PEBP4: variants seen among roughly 807,000 people sequenced by gnomAD.
PEBP4 encodes phosphatidylethanolamine binding protein 4.
Under a neutral mutation model 23.9 loss-of-function variants are expected in PEBP4, and 22 were observed. The ratio of observed to expected loss-of-function variants is 0.92; its 90% CI spans 0.66 to 1.31. PEBP4 has a LOEUF of 1.31. Ranked by LOEUF, PEBP4 falls within the 40% of genes most tolerant of loss-of-function variation. The probability of loss-of-function intolerance (pLI) is 0.00; values close to 1 mark genes in which losing one functional copy is unlikely to be tolerated. For synonymous variants in PEBP4, 112 were observed against 99.3 expected (o/e 1.13, Z -0.76); for missense variants, 324 against 281.7 (o/e 1.15, Z -1.07).
intron 4 of PEBP4, among the ~76,000 whole-genome samples, chr8:22,808,825 T>G (rs1806555429): frequency 6.6e-6 from 1 of 152,252 alleles, no homozygotes; most frequent in South Asian, 2.1e-4. Context: ...ATCCCTAACA[T>G]GTACTCACCA....
chr8:22,725,308 A>C (rs910761057), intron 5 of PEBP4, among the ~76,000 whole-genome samples: 1 of 152,150 alleles, frequency 6.6e-6, no homozygotes, highest in African/African-American at 2.4e-5. Flanking sequence ...GCCTCAAGAG[A>C]AGCCCATCTT....
chr8:22,929,956 T>C (rs1311694558), upstream of PEBP4, among the ~76,000 whole-genome samples: 1 of 152,190 alleles, frequency 6.6e-6, no homozygotes, highest in Non-Finnish European at 1.5e-5. Context: ...TCCACCTGTG[T>C]GCTCCCAAAG....
intron 4 of PEBP4, among the ~76,000 whole-genome samples, chr8:22,758,818 T>A (rs1805443529): frequency 6.6e-6 from 1 of 152,136 alleles, no homozygotes; most frequent in South Asian, 2.1e-4. Context: ...GGACAGCGCT[T>A]TCCTAGGGCT....
At chr8:22,935,490 C>T (rs554424921) in intron 1 of PEBP4, among the ~76,000 whole-genome samples, 2 of 152,178 alleles carry the variant, frequency 1.3e-5, no homozygotes, top group Non-Finnish European at 1.5e-5. Flanking sequence ...CGCTCCACTG[C>T]AGTCCAGCCT....
intron 3 of PEBP4, among the ~76,000 whole-genome samples, chr8:22,913,491 T>C (rs2457422): frequency 0.39 from 59,406 of 151,992 alleles, 11,802 homozygotes; most frequent in East Asian, 0.48. Flanking sequence ...AGTAGGGGCT[T>C]GGCTGGCTGA....
chr8:22,720,373 G>A (rs1804494601), intron 6 of PEBP4, among the ~76,000 whole-genome samples: 2 of 152,218 alleles, frequency 1.3e-5, no homozygotes, highest in African/African-American at 2.4e-5. Context: ...TGGAAAGTGG[G>A]CAAGGCATTG....
chr8:22,726,824 G>T (rs1208196698), intron 5 of PEBP4, among the ~76,000 whole-genome samples: 5 of 152,110 alleles, frequency 3.3e-5, no homozygotes, highest in African/African-American at 4.8e-5. Flanking sequence ...GGTAGGTTGG[G>T]GGCATCCTCC....
At chr8:22,859,286 G>A (rs1807717550) in intron 3 of PEBP4, among the ~76,000 whole-genome samples, 1 of 152,224 alleles carries the variant, frequency 6.6e-6, no homozygotes, top group African/African-American at 2.4e-5. Flanking sequence ...TTCTGAGGCA[G>A]AGCCAGTAAT....
chr8:22,808,699 A>G (rs961326886), intron 4 of PEBP4, among the ~76,000 whole-genome samples: 13 of 152,182 alleles, frequency 8.5e-5, no homozygotes, highest in Admixed American at 3.3e-4. Flanking sequence ...TCCCACAGCA[A>G]TTTGAGTCTA....
At chr8:22,878,305 G>A (rs1162589928) in intron 3 of PEBP4, 1 of 152,302 alleles carries the variant, frequency 6.6e-6, no homozygotes, top group Non-Finnish European at 1.5e-5. Flanking sequence ...GGCCTGGTAA[G>A]ATGGTATTTG....
At chr8:22,839,143 A>G (rs747139724) in intron 3 of PEBP4, among the ~76,000 whole-genome samples, 1 of 152,216 alleles carries the variant, frequency 6.6e-6, no homozygotes, top group Non-Finnish European at 1.5e-5. Context: ...TCCGGCCTGC[A>G]AAGGTGGCGT....
intron 3 of PEBP4, among the ~76,000 whole-genome samples, chr8:22,863,937 T>C (rs1807831008): frequency 6.6e-6 from 1 of 152,144 alleles, no homozygotes; most frequent in South Asian, 2.1e-4. Context: ...TGATGTCTGG[T>C]CCGGACTTTT....
intron 6 of PEBP4, among the ~76,000 whole-genome samples, chr8:22,716,663 C>A (rs1585233350): frequency 6.6e-6 from 1 of 152,236 alleles, no homozygotes; most frequent in Non-Finnish European, 1.5e-5. Context: ...ACGTGCTGGA[C>A]AAACTCTGGA....
At chr8:22,747,562 A>T (rs1013112970) in intron 4 of PEBP4, 3 of 133,016 alleles carry the variant, frequency 2.3e-5, no homozygotes, top group African/African-American at 8.6e-5. Context: ...AGCCAGTGTG[A>T]GCAGCAGGGT....
chr8:22,862,958 G>A (rs1013117264), intron 3 of PEBP4, among the ~76,000 whole-genome samples: 9 of 151,906 alleles, frequency 5.9e-5, no homozygotes, highest in African/African-American at 1.9e-4. Context: ...CCGCCCCCAC[G>A]CCTGGATGAT....
intron 4 of PEBP4, among the ~76,000 whole-genome samples, chr8:22,738,289 C>G (rs1395958697): frequency 6.6e-6 from 1 of 152,218 alleles, no homozygotes; most frequent in Non-Finnish European, 1.5e-5. Context: ...ATCCCACAGA[C>G]AGACACAGGC....
intron 2 of PEBP4, 132 bp downstream of exon 2, chr8:22,927,452 T>C (rs1305860822): frequency 8.9e-7 from 1 of 1,128,950 alleles, no homozygotes; most frequent in African/African-American, 1.6e-5. Context: ...TCTCCAGATC[T>C]GACACGTGTT....
In PEBP4 at chr8:22,724,829, T is replaced by TG. The variant is rs755573231; in HGVS notation, c.517+13dup. 9.5e-6 allele frequency: 15 copies of TG among 1,587,270 alleles called. No individual in the cohort carries two copies. Among genetic ancestry groups the TG allele is most frequent in the Non-Finnish European group, 1.2e-5 (14 of 1,155,802 alleles). Reference sequence around the variant, plus strand: ...TTCACCCCGGTGGTGGCTGGAAGGATGGGGAGGTCTTACCTCGAGTTTTGT... The same window carrying TG: ...TTCACCCCGGTGGTGGCTGGAAGGATGGGGGAGGTCTTACCTCGAGTTTTGT... On this transcript the variant is annotated intron_variant, in intron 6 of 6. Transcript: ENST00000256404.
intron 4 of PEBP4, among the ~76,000 whole-genome samples, chr8:22,793,074 A>C (rs1806172890): frequency 6.6e-6 from 1 of 152,226 alleles, no homozygotes; most frequent in South Asian, 2.1e-4. Flanking sequence ...AAAATCACTC[A>C]TAATCGTACT....
Sources: allele counts gnomAD v4.1 joint callset (sites outside exome capture counted in the v4.1 genomes callset), GRCh38; gene constraint gnomAD v4.1.1; transcripts MANE v1.5; gene names NCBI Gene and HGNC (gene_info 2026-07-23, HGNC 2026-07-21).